Variants in ACSL1 observed in about 807,000 individuals in gnomAD.
ACSL1 encodes acyl-CoA synthetase long chain family member 1.
Under a neutral mutation model 98.4 loss-of-function variants are expected in ACSL1, and 41 were observed. The observed-to-expected ratio is 0.42, with a 90% CI of 0.32 to 0.54. ACSL1 has a LOEUF of 0.54. Among genes scored for constraint, ACSL1 ranks in the 20% least tolerant of loss-of-function variants. ACSL1 has a pLI of 0.13. For missense variants in ACSL1, 734 were observed against 883.1 expected, an observed-to-expected ratio of 0.83 and a Z score of 2.14; for synonymous variants, 316 against 322.7, an observed-to-expected ratio of 0.98 and a Z score of 0.22.
chr4:184,812,379 T>C, intron 1 of ACSL1: 1 of 276,678 alleles, frequency 3.6e-6, no homozygotes, highest in Non-Finnish European at 5.5e-6. Flanking sequence ...CTTGAGGATA[T>C]ATTCATAGAA....
At chr4:184,776,840 A>G (rs766439764) in intron 6 of ACSL1, 44 bp downstream of exon 6, 1 of 1,594,166 alleles carries the variant, frequency 6.3e-7, no homozygotes, top group East Asian at 2.2e-5. Context: ...ACTGAACCTA[A>G]CCAATAACTA....
Position 184,813,833 on chromosome 4 carries a change from T to G in ACSL1, c.-32-10287A>C, listed in dbSNP as rs1305405889. The stretch of plus-strand genomic sequence containing the variant: ...AGTAGCCAGAGCTGGCCCCAAGCTA[T>G]GCAGGCACTTTCCTCCTCCGAGGGC... On this transcript the variant is annotated intron_variant, in intron 1 of 20. Transcript: ENST00000281455. The G allele has an allele frequency of 6.6e-6, 3 of 456,148 alleles. No individual in the cohort carries two copies. In the Admixed American group the frequency reaches 7.0e-5, roughly 11 times the overall value. 28.3% of individuals were successfully genotyped at this position (456,148 alleles called of 1,614,324 possible).
chr4:184,773,227 A>C lies in ACSL1; in HGVS notation c.842-73T>G, dbSNP rs529240785. ...GAAGGAGGCCCAGAAACCTCACATA[A>C]TTAGGGCTTCAGACACCTCTACTGT... On this transcript the variant is annotated intron_variant, in intron 9 of 20. Transcript: ENST00000281455. The surrounding 1 kb of genome is among the most constrained non-coding windows in gnomAD (Gnocchi z 4.3). 1.2e-5 allele frequency: 17 copies of C among 1,390,416 alleles called. No homozygotes were observed. In the African/African-American group the frequency reaches 1.6e-4, roughly 13 times the overall value. The allele number at this position is 1,390,416 out of a possible 1,614,324, so 86.1% of individuals were successfully genotyped here. A position where few individuals can be genotyped will look rare whatever the true frequency, so the allele number is the denominator to read the frequency against.
rs758651357 is a variant in ACSL1, at chr4:184,788,743, G to C, written c.196-12C>G. On this transcript the variant is annotated splice_polypyrimidine_tract_variant and intron_variant, in intron 2 of 20. Coordinates refer to ENST00000281455, the MANE Select transcript of ACSL1 (RefSeq NM_001995.5). ...GCACCACCACTACCCTATCAAAAAA[G>C]AAAGGGGGGCAGGTTAGAAGGCAGT... is the stretch of plus-strand genomic sequence containing the variant. 1 of 1,611,102 alleles carries C rather than the reference G, an allele frequency of 6.2e-7. No individual in the cohort carries two copies. The highest frequency in any genetic ancestry group is 1.7e-5 in the Admixed American group (1 of 59,996).
intron 11 of ACSL1, 164 bp downstream of exon 11, chr4:184,770,235 A>G: frequency 6.5e-7 from 1 of 1,536,880 alleles, no homozygotes; most frequent in Non-Finnish European, 8.7e-7. Context: ...TAGGGATGAC[A>G]GTCCGCACGC....
At chr4:184,798,140 G>T (rs1260152603) in intron 2 of ACSL1, among the ~76,000 whole-genome samples, 2 of 152,182 alleles carry the variant, frequency 1.3e-5, no homozygotes, top group Non-Finnish European at 2.9e-5. Flanking sequence ...TCTGTGTATT[G>T]TAAGATATGA....
Position 184,792,847 on chromosome 4 carries a change from G to A in ACSL1, c.196-4116C>T, listed in dbSNP as rs868069124. ...TGCAAGCTGAGTGCTGGGAAGCAAAGCTGTAACAATTGGAGTCTGAAATGC... is the reference window on the plus strand; with the variant it reads ...TGCAAGCTGAGTGCTGGGAAGCAAAACTGTAACAATTGGAGTCTGAAATGC... On this transcript the variant is annotated intron_variant, in intron 2 of 20. Transcript: ENST00000281455. 1.2e-4 allele frequency among the ~76,000 whole-genome samples: 18 copies of A among 152,342 alleles called. No individual in the cohort carries two copies. In the Middle Eastern group the frequency reaches 0.01, roughly 86 times the overall value.
At chr4:184,781,775 G>C (rs369613712) in intron 4 of ACSL1, among the ~76,000 whole-genome samples, 2 of 152,180 alleles carry the variant, frequency 1.3e-5, no homozygotes, top group East Asian at 3.9e-4. Context: ...ACACTCAGCT[G>C]ATTTTTGTAT....
Position 184,803,329 on chromosome 4 carries a change from C to T in ACSL1, c.186G>A (p.Val62=). ...TGGGCCCTCCACTCACCGCCACTTC[C>T]ACTGACTGCATGGAGAGGTCGCATG... is the stretch of plus-strand genomic sequence containing the variant. ...KPPCDLSMQS[V]EVAGSGGARR... Residue 62 remains valine, a synonymous_variant, in exon 2 of 21, where the codon GTG becomes GTA. Transcript: ENST00000281455. The surrounding 1 kb of genome is among the most constrained non-coding windows in gnomAD (Gnocchi z 4.8). The T allele has an allele frequency of 1.9e-6, 3 of 1,589,848 alleles. No individual in the cohort carries two copies. Among genetic ancestry groups the T allele is most frequent in the South Asian group, 2.3e-5 (2 of 87,994 alleles).
chr4:184,822,734 T>C (rs558106516), intron 1 of ACSL1, among the ~76,000 whole-genome samples: 8 of 151,656 alleles, frequency 5.3e-5, no homozygotes, highest in African/African-American at 1.9e-4. Flanking sequence ...AGTGAGACCT[T>C]ATCTGGGAAA....
chr4:184,804,017 C>A (rs2150446852), intron 1 of ACSL1, among the ~76,000 whole-genome samples: 1 of 152,194 alleles, frequency 6.6e-6, no homozygotes, highest in Middle Eastern at 3.4e-3. Context: ...TTTCTTCCAA[C>A]AGATCTCAGA....
chr4:184,792,643 T>C (rs962861629), intron 2 of ACSL1, among the ~76,000 whole-genome samples: 1 of 152,176 alleles, frequency 6.6e-6, no homozygotes, highest in Non-Finnish European at 1.5e-5. Flanking sequence ...CTCACTATGT[T>C]GCCCAGGCTG....
At chr4:184,814,684 T>A (rs755318455) in intron 1 of ACSL1, among the ~76,000 whole-genome samples, 8 of 152,288 alleles carry the variant, frequency 5.3e-5, no homozygotes, top group Non-Finnish European at 4.4e-5. Flanking sequence ...GTGAGTCAGG[T>A]CAGTTAATGT....
chr4:184,814,545 ACTATGTTG>A (rs1348744135), intron 1 of ACSL1, among the ~76,000 whole-genome samples: 1 of 152,092 alleles, frequency 6.6e-6, no homozygotes, highest in Non-Finnish European at 1.5e-5. Flanking sequence ...TGTTTTTACT[ACTATGTTG>A]TTGTTCTTTG....
intron 1 of ACSL1, chr4:184,813,767 G>C (rs1172214454): frequency 4.5e-6 from 2 of 446,538 alleles, no homozygotes; most frequent in South Asian, 1.6e-5. Context: ...CAGGAGAAGA[G>C]AGCACAACTG....
At chr4:184,762,045 T>C (rs1319695439) in intron 17 of ACSL1, among the ~76,000 whole-genome samples, 1 of 151,660 alleles carries the variant, frequency 6.6e-6, no homozygotes, top group Non-Finnish European at 1.5e-5. Context: ...GAGAATCACT[T>C]GAACCCGAGA....
At chr4:184,790,225 T>G (rs1768113964) in intron 2 of ACSL1, among the ~76,000 whole-genome samples, 1 of 152,226 alleles carries the variant, frequency 6.6e-6, no homozygotes, top group African/African-American at 2.4e-5. Context: ...ATTAGGATTA[T>G]CCATTTCTCT....
chr4:184,811,010 A>G (rs779043060), intron 1 of ACSL1, among the ~76,000 whole-genome samples: 3 of 152,222 alleles, frequency 2.0e-5, no homozygotes, highest in Non-Finnish European at 1.5e-5. Flanking sequence ...CACAGACCTC[A>G]AGAGCTGAGC....
At position 184,757,924 on chromosome 4, in the gene ACSL1, T is replaced by C. The variant is rs1762329660; in HGVS notation, c.1783-4A>G. ...CCACAATTGCAATGAGAAATGCCTT[T>C]AACACAGACAAATGAGTTATTACAT... On this transcript the variant is annotated splice_region_variant and splice_polypyrimidine_tract_variant and intron_variant, in intron 18 of 20. Transcript: ENST00000281455. The surrounding 1 kb of genome is among the most constrained non-coding windows in gnomAD (Gnocchi z 4.5). 3 of 1,612,490 alleles carry C rather than the reference T, an allele frequency of 1.9e-6. No individual in the cohort carries two copies. The highest frequency in any genetic ancestry group is 2.7e-5 in the African/African-American group (2 of 74,898).
Sources: gnomAD v4.1 joint callset for allele counts (sites outside exome capture counted in the v4.1 genomes callset) on GRCh38, gnomAD v4.1.1 for gene constraint, Gnocchi (gnomAD v3.1) non-coding constraint, MANE v1.5 for transcripts, NCBI Gene and HGNC (gene_info 2026-07-23, HGNC 2026-07-21) for gene names.